The following PIEZO1 variants were observed in gnomAD, a reference collection of about 807,000 sequenced individuals.
PIEZO1 encodes piezo type mechanosensitive ion channel component 1 (Er blood group).
A neutral mutation model predicts 297.2 loss-of-function variants in PIEZO1; 296 were observed. The observed-to-expected ratio is 1.00, with a 90% CI of 0.91 to 1.10. The LOEUF is 1.10. Among genes scored for constraint, PIEZO1 ranks in the 50% least tolerant of loss-of-function variants. The pLI, the probability that PIEZO1 is intolerant of heterozygous loss-of-function variation, is 0.00. For synonymous variants in PIEZO1, 2,427 were observed against 1,507.5 expected (o/e 1.61, Z -14.13); for missense variants, 5,018 against 3,455.5 (o/e 1.45, Z -11.34).
At chr16:88,724,532 A>C (rs1026353835) in intron 30 of PIEZO1, among the ~76,000 whole-genome samples, 14 of 101,538 alleles carry the variant, frequency 1.4e-4, no homozygotes, top group South Asian at 6.1e-4. Context: ...CACCGTCTCC[A>C]AAAAAAAAAA....
At chr16:88,717,347 G>A (rs1912123418) in intron 44 of PIEZO1, 136 bp from the exon 45 acceptor site, 4 of 716,214 alleles carry the variant, frequency 5.6e-6, no homozygotes, top group Non-Finnish European at 9.8e-6. Flanking sequence ...GTAATGGTGG[G>A]CAGACACAGG....
chr16:88,727,649 C>G lies in PIEZO1; in HGVS notation c.3209G>C (p.Arg1070Pro). Residue 1070 changes from arginine (R) to proline (P), a missense_variant, in exon 23 of 51, where the codon CGC becomes CCC. Transcript: ENST00000301015. ...PPALCIDYPWRWSRAVPMNSA... is the reference protein window; with the variant it reads ...PPALCIDYPWPWSRAVPMNSA... ...GTTCATGGGGACGGCCCGGCTCCAG[C>G]GCCAGGGATAATCTGGGGGAAGGGG... The G allele has an allele frequency of 6.8e-7, 1 of 1,467,956 alleles. No homozygotes were observed. Among genetic ancestry groups the G allele is most frequent in the Non-Finnish European group, 9.1e-7 (1 of 1,096,964 alleles). The allele number at this position is 1,467,956 out of a possible 1,614,324, so 90.9% of individuals were successfully genotyped here.
rs1387092466 is a variant in PIEZO1 at position 88,722,082 on chromosome 16, C to T, written c.4956-16G>A. ...GCGCAGGCGCCTACAGGGAGACCCGCGTGTTTGGGGGAGTCTGGGACTGCC... is the reference window on the plus strand; with the variant it reads ...GCGCAGGCGCCTACAGGGAGACCCGTGTGTTTGGGGGAGTCTGGGACTGCC... On this transcript the variant is annotated splice_polypyrimidine_tract_variant and intron_variant, in intron 36 of 50. Coordinates refer to ENST00000301015, the MANE Select transcript of PIEZO1 (RefSeq NM_001142864.4). 7.1e-6 allele frequency: 11 copies of T among 1,540,618 alleles called. No individual in the cohort carries two copies. The highest frequency in any genetic ancestry group is 2.3e-4 in the Middle Eastern group (1 of 4,418).
chr16:88,731,554 C>A (rs1904808478), intron 22 of PIEZO1, 152 bp downstream of exon 22: 1 of 606,892 alleles, frequency 1.6e-6, no homozygotes, highest in South Asian at 2.1e-5. Flanking sequence ...GGTGATGGCG[C>A]CTGGGTAGGA....
At chr16:88,731,675 C>T (rs184229578) in intron 22 of PIEZO1, 31 bp downstream of exon 22, 5 of 1,530,090 alleles carry the variant, frequency 3.3e-6, no homozygotes, top group Non-Finnish European at 3.5e-6. Context: ...AGCCACAAAG[C>T]CCACTCCCAC....
rs1912032423 is a variant in PIEZO1 at position 88,716,374 on chromosome 16, A to T, written c.7036T>A (p.Ser2346Thr). 1 of 1,543,540 alleles carries T rather than the reference A, an allele frequency of 6.5e-7. No homozygotes were observed. Among genetic ancestry groups the T allele is most frequent in the East Asian group, 2.4e-5 (1 of 40,850 alleles). Residue 2346 changes from serine (S) to threonine (T), a missense_variant, in exon 48 of 51, where the codon TCG becomes ACG. Ser to Thr is a moderately conservative substitution (Grantham distance 58). Coordinates refer to ENST00000301015, the MANE Select transcript of PIEZO1 (RefSeq NM_001142864.4). Reference sequence around the variant, plus strand: ...CCCTTCACTCACACAGACTGGTCCGAGGTGCCCTCGAGCAGGCTGGCCAGC... The same window carrying T: ...CCCTTCACTCACACAGACTGGTCCGTGGTGCCCTCGAGCAGGCTGGCCAGC... ...RQLASLLEGT[S>T]DQSVVIPNLF...
intron 1 of PIEZO1, among the ~76,000 whole-genome samples, chr16:88,782,318 C>T (rs1004332918): frequency 6.6e-6 from 1 of 152,110 alleles, no homozygotes; most frequent in African/African-American, 2.4e-5. Flanking sequence ...CTCTACGTTG[C>T]CCAGGCTGCT....
chr16:88,732,198 C>A, intron 21 of PIEZO1, 137 bp downstream of exon 21: 1 of 711,172 alleles, frequency 1.4e-6, no homozygotes, highest in South Asian at 1.8e-5. Flanking sequence ...GAAGCCGTGC[C>A]TGGCCCTGAG....
At chr16:88,738,160 G>A (rs901755819) in intron 7 of PIEZO1, 55 bp from the exon 8 acceptor site, 2 of 1,534,412 alleles carry the variant, frequency 1.3e-6, no homozygotes, top group Non-Finnish European at 1.7e-6. Context: ...GGGGCCACAG[G>A]GGCTAGACGA....
chr16:88,717,138 A>C lies in PIEZO1; in HGVS notation c.6545T>G (p.Phe2182Cys), dbSNP rs1050838137. Residue 2182 changes from phenylalanine (F) to cysteine (C), a missense_variant, in exon 45 of 51, where the codon TTC becomes TGC. Physicochemically the swap from Phe to Cys is radical, Grantham distance 205 (BLOSUM62 -2). Transcript: ENST00000301015. The stretch of plus-strand genomic sequence containing the variant: ...TGGGAACCAGATGATGGCGATGAGG[A>C]AGAGGATGATGAGGCCACCCATGCC... ...KYGMGGLIILFLIAIIWFPLL... is the reference protein window; with the variant it reads ...KYGMGGLIILCLIAIIWFPLL... 1.9e-6 allele frequency: 3 copies of C among 1,551,270 alleles called. No homozygotes were observed. In the African/African-American group the frequency reaches 4.1e-5, roughly 21 times the overall value.
chr16:88,780,694 C>T (rs1351688152), intron 1 of PIEZO1, among the ~76,000 whole-genome samples: 2 of 152,238 alleles, frequency 1.3e-5, no homozygotes, highest in African/African-American at 4.8e-5. Flanking sequence ...GGCGCGGTGG[C>T]TCATGCCTGT....
Position 88,737,754 on chromosome 16 carries a change from A to G in PIEZO1, c.1081T>C (p.Trp361Arg), listed in dbSNP as rs1020953954. 8 of 1,535,662 alleles carry G rather than the reference A, an allele frequency of 5.2e-6. No individual in the cohort carries two copies. Among genetic ancestry groups the G allele is most frequent in the Non-Finnish European group, 7.0e-6 (8 of 1,146,686 alleles). ...TGGTCAGACTCCCGTTCCTGGGGCCACTGGTCCAGCTCTGCTAGCTCCAGC... is the reference window on the plus strand; with the variant it reads ...TGGTCAGACTCCCGTTCCTGGGGCCGCTGGTCCAGCTCTGCTAGCTCCAGC... ...RELELAELDQ[W>R]PQERESDQHV... Residue 361 changes from tryptophan (W) to arginine (R), a missense_variant, in exon 9 of 51, where the codon TGG becomes CGG. Transcript: ENST00000301015.
intron 1 of PIEZO1, among the ~76,000 whole-genome samples, chr16:88,757,460 G>A (rs1375925614): frequency 1.3e-5 from 2 of 152,014 alleles, no homozygotes; most frequent in Non-Finnish European, 2.9e-5. Context: ...AAGGACTGAC[G>A]GGGCCTAGGA....
intron 1 of PIEZO1, among the ~76,000 whole-genome samples, chr16:88,753,946 G>C (rs1906526070): frequency 1.3e-5 from 2 of 152,206 alleles, no homozygotes; most frequent in African/African-American, 4.8e-5. Flanking sequence ...TCCAAGGAGC[G>C]GGGACAGGAG....
intron 1 of PIEZO1, among the ~76,000 whole-genome samples, chr16:88,769,193 G>A (rs1291874900): frequency 1.3e-5 from 2 of 152,166 alleles, no homozygotes; most frequent in Non-Finnish European, 2.9e-5. Flanking sequence ...TATATACCTC[G>A]TACACATACC....
intron 1 of PIEZO1, among the ~76,000 whole-genome samples, chr16:88,753,205 C>T (rs1452760501): frequency 8.5e-6 from 1 of 117,130 alleles, no homozygotes; most frequent in African/African-American, 3.3e-5. Context: ...CCCCGCCCCC[C>T]AGAGCACACC....
intron 2 of PIEZO1, among the ~76,000 whole-genome samples, chr16:88,747,261 C>T (rs1403558231): frequency 6.7e-6 from 1 of 149,300 alleles, no homozygotes; most frequent in Admixed American, 6.7e-5. Flanking sequence ...AGCACGGTAG[C>T]TCATGCCTGT....
At chr16:88,730,218 T>A (rs369750188) in intron 22 of PIEZO1, among the ~76,000 whole-genome samples, 1 of 152,218 alleles carries the variant, frequency 6.6e-6, no homozygotes, top group African/African-American at 2.4e-5. Context: ...TAGAACTCGA[T>A]TGGGCTCCCT....
At chr16:88,720,777 G>A in intron 39 of PIEZO1, 29 bp from the exon 40 acceptor site, 1 of 1,456,934 alleles carries the variant, frequency 6.9e-7, no homozygotes, top group Non-Finnish European at 9.0e-7. Context: ...TTCTGCCTGG[G>A]CCCCCTGGGG....
Sources: gnomAD v4.1 joint callset for allele counts (sites outside exome capture counted in the v4.1 genomes callset) on GRCh38, gnomAD v4.1.1 for gene constraint, MANE v1.5 for transcripts, NCBI Gene and HGNC (gene_info 2026-07-23, HGNC 2026-07-21) for gene names.